Variants in MAP2K4 observed in about 807,000 individuals in gnomAD.
The protein encoded by MAP2K4 is mitogen-activated protein kinase kinase 4.
MAP2K4 carries 4 observed loss-of-function variants against 48.5 expected under a neutral mutation model. The observed-to-expected ratio is 0.08, with a 90% confidence interval of 0.04 to 0.19. MAP2K4 has a LOEUF of 0.19. Among genes scored for constraint, MAP2K4 ranks in the 10% least tolerant of loss-of-function variants. MAP2K4 has a pLI of 1.00. For missense variants in MAP2K4, 258 were observed against 493.3 expected, an observed-to-expected ratio of 0.52 and a Z score of 4.52; for synonymous variants, 166 against 173.1, an observed-to-expected ratio of 0.96 and a Z score of 0.32.
At chr17:12,082,257 T>C (rs9788973) in intron 3 of MAP2K4, among the ~76,000 whole-genome samples, 69,656 of 151,882 alleles carry the variant, frequency 0.46, 16,843 homozygotes, top group East Asian at 0.56. Flanking sequence ...TTCATGTAAT[T>C]GTAATTTATT....
intron 8 of MAP2K4, among the ~76,000 whole-genome samples, chr17:12,126,782 G>A (rs957249141): frequency 6.6e-6 from 1 of 152,090 alleles, no homozygotes; most frequent in South Asian, 2.1e-4. Context: ...TGAAGTCTTC[G>A]GTTTATTTTC....
At chr17:12,069,692 C>A in intron 2 of MAP2K4, 1 of 1,013,324 alleles carries the variant, frequency 9.9e-7, no homozygotes, top group South Asian at 4.1e-5. Flanking sequence ...GTTGGTAGTG[C>A]CAGGAAGCAG....
intron 1 of MAP2K4, chr17:12,036,479 A>G (rs1181604647): frequency 2.0e-5 from 3 of 151,666 alleles, no homozygotes; most frequent in African/African-American, 2.4e-5. Context: ...TTCATTTTTT[A>G]TTTTTCGAGG....
At chr17:12,074,039 G>A (rs1223578884) in intron 2 of MAP2K4, among the ~76,000 whole-genome samples, 1 of 152,040 alleles carries the variant, frequency 6.6e-6, no homozygotes, top group Non-Finnish European at 1.5e-5. Context: ...CCCAAAGTGC[G>A]GGGACTACAG....
chr17:12,119,113 G>A (rs1209420534), intron 7 of MAP2K4, among the ~76,000 whole-genome samples: 3 of 152,156 alleles, frequency 2.0e-5, no homozygotes. Context: ...GTGATATTTA[G>A]TGATAATGAG....
intron 3 of MAP2K4, among the ~76,000 whole-genome samples, chr17:12,087,429 C>A (rs919450884): frequency 1.3e-5 from 2 of 152,044 alleles, no homozygotes; most frequent in African/African-American, 4.8e-5. Flanking sequence ...GAAGATGATA[C>A]CACTCTTACC....
chr17:12,130,465 A>G (rs574894184), intron 9 of MAP2K4, among the ~76,000 whole-genome samples: 1 of 152,334 alleles, frequency 6.6e-6, no homozygotes, highest in African/African-American at 2.4e-5. Flanking sequence ...TTTGCTTAAA[A>G]TGATCTGTGT....
chr17:12,091,338 T>C lies in MAP2K4; in HGVS notation c.394-4237T>C, dbSNP rs114108991. ...TGGAATTTGGGACATTTCTATATGA[T>C]TGGGACTGTTCACCAAGTGGATGTT... is the stretch of plus-strand genomic sequence containing the variant. On this transcript the variant is annotated intron_variant, in intron 3 of 10. Transcript: ENST00000353533. 7.6e-3 allele frequency among the ~76,000 whole-genome samples: 1,151 copies of C among 152,312 alleles called. 12 individuals are homozygous for C. The highest frequency in any genetic ancestry group is 0.025 in the African/African-American group (1,032 of 41,556).
At chr17:12,066,133 TTTC>T (rs1031056333) in intron 2 of MAP2K4, among the ~76,000 whole-genome samples, 7 of 142,272 alleles carry the variant, frequency 4.9e-5, no homozygotes, top group Non-Finnish European at 6.3e-5. Flanking sequence ...TGTTTCTTTC[TTTC>T]TTTTTTTTTT....
intron 1 of MAP2K4, among the ~76,000 whole-genome samples, chr17:12,022,492 A>G (rs1025685429): frequency 7.9e-5 from 12 of 152,200 alleles, no homozygotes; most frequent in Non-Finnish European, 1.6e-4. Context: ...CAAAATGACA[A>G]TTTAGGATTG....
chr17:12,129,632 A>C (rs1223755415), intron 9 of MAP2K4, among the ~76,000 whole-genome samples: 7 of 152,240 alleles, frequency 4.6e-5, no homozygotes, highest in Admixed American at 4.6e-4. Context: ...ATGCAATTGC[A>C]CCAAAATCAC....
intron 4 of MAP2K4, among the ~76,000 whole-genome samples, chr17:12,100,851 G>A (rs762974014): frequency 3.9e-5 from 6 of 152,020 alleles, no homozygotes; most frequent in Non-Finnish European, 5.9e-5. Flanking sequence ...TTTACCAACC[G>A]TATATCTTTG....
At chr17:12,028,379 G>A (rs78860208) in intron 1 of MAP2K4, among the ~76,000 whole-genome samples, 2 of 152,278 alleles carry the variant, frequency 1.3e-5, no homozygotes, top group East Asian at 1.9e-4. Context: ...GCTCCCTTTT[G>A]ATAGTTTCAG....
chr17:12,038,017 G>A lies in MAP2K4; in HGVS notation c.116-16872G>A, dbSNP rs371265912. ...AAAATAATTTGGGGATGCTTAATGT[G>A]TGACATTTTTGATAAGAAAATAATT... On this transcript the variant is annotated intron_variant, in intron 1 of 10. Coordinates refer to ENST00000353533, the MANE Select transcript of MAP2K4 (RefSeq NM_003010.4). Among the ~76,000 whole-genome samples, 17 of 152,238 alleles carry A rather than the reference G, an allele frequency of 1.1e-4. No homozygotes were observed. The South Asian group carries it at 3.5e-3, about 32-fold the overall frequency.
At chr17:12,064,114 A>AC (rs745321712) in intron 2 of MAP2K4, among the ~76,000 whole-genome samples, 50 of 152,234 alleles carry the variant, frequency 3.3e-4, no homozygotes, top group Admixed American at 7.2e-4. Context: ...TATATAATAA[A>AC]CCAAAACTCA....
intron 7 of MAP2K4, among the ~76,000 whole-genome samples, chr17:12,123,848 C>T (rs1300754148): frequency 6.6e-6 from 1 of 152,062 alleles, no homozygotes; most frequent in Non-Finnish European, 1.5e-5. Flanking sequence ...CTTCCTGTTA[C>T]TGATTTCTAA....
chr17:12,084,912 G>C (rs1971309826), intron 3 of MAP2K4, among the ~76,000 whole-genome samples: 1 of 149,552 alleles, frequency 6.7e-6, no homozygotes, highest in South Asian at 2.2e-4. Context: ...AGAAAATCTA[G>C]GGACACAGGA....
Position 12,110,260 on chromosome 17 carries a change from A to T in MAP2K4, c.634-115A>T, listed in dbSNP as rs577283274. 1.1e-5 allele frequency: 8 copies of T among 709,280 alleles called. No homozygotes were observed. The South Asian group carries it at 1.4e-4, about 13-fold the overall frequency. 43.9% of individuals were successfully genotyped at this position (709,280 alleles called of 1,614,324 possible). On this transcript the variant is annotated intron_variant, in intron 5 of 10. Coordinates refer to ENST00000353533, the MANE Select transcript of MAP2K4 (RefSeq NM_003010.4). The stretch of plus-strand genomic sequence containing the variant: ...ACAAGAAATGACAAAATATTGAAAT[A>T]TTAAGCTTAAAATGTATGCAGAGGA...
intron 4 of MAP2K4, among the ~76,000 whole-genome samples, chr17:12,096,968 A>G (rs1235012884): frequency 6.6e-6 from 1 of 152,136 alleles, no homozygotes; most frequent in Admixed American, 6.5e-5. Flanking sequence ...TTATGACCAG[A>G]TATACTGAAT....
Sources: gnomAD v4.1 joint callset for allele counts (sites outside exome capture counted in the v4.1 genomes callset) on GRCh38, gnomAD v4.1.1 for gene constraint, MANE v1.5 for transcripts, NCBI Gene and HGNC (gene_info 2026-07-23, HGNC 2026-07-21) for gene names.